SLX4IP: variants seen among roughly 807,000 people sequenced by gnomAD.
The protein encoded by SLX4IP is SLX4 interacting protein.
Under a neutral mutation model 32.9 loss-of-function variants are expected in SLX4IP, and 34 were observed. That is an observed-to-expected ratio of 1.03 (90% CI 0.79 to 1.38). The LOEUF (loss-of-function observed/expected upper bound fraction) is 1.38, where lower values mean the gene tolerates loss of function less well. Ranked by LOEUF, SLX4IP falls within the 40% of genes most tolerant of loss-of-function variation. The pLI, the probability that SLX4IP is intolerant of heterozygous loss-of-function variation, is 0.00. For missense variants in SLX4IP, 444 were observed against 479.0 expected (o/e 0.93, Z 0.68); for synonymous variants, 172 against 171.7 (o/e 1.00, Z -0.01).
intron 6 of SLX4IP, among the ~76,000 whole-genome samples, chr20:10,619,217 C>CTT (rs59741153): frequency 1.3e-4 from 16 of 126,658 alleles, no homozygotes; most frequent in African/African-American, 2.4e-4. Flanking sequence ...CTTTTTTTTT[C>CTT]TTTTTTTTTT....
chr20:10,520,625 T>G (rs682412), intron 2 of SLX4IP, among the ~76,000 whole-genome samples: 79,464 of 151,972 alleles, frequency 0.52, 21,734 homozygotes, highest in South Asian at 0.69. Flanking sequence ...TGTTTTCTTC[T>G]AAGAGTTTTA....
At chr20:10,439,303 G>C (rs1311787770) in intron 1 of SLX4IP, among the ~76,000 whole-genome samples, 4 of 151,896 alleles carry the variant, frequency 2.6e-5, no homozygotes, top group Admixed American at 6.6e-5. Flanking sequence ...CCACCTCCTG[G>C]GTTCAGGTGA....
chr20:10,587,251 T>TA (rs2066656622), intron 4 of SLX4IP, among the ~76,000 whole-genome samples: 1 of 152,052 alleles, frequency 6.6e-6, no homozygotes, highest in African/African-American at 2.4e-5. Context: ...ATTAATAAAT[T>TA]AAAAAGAGCA....
chr20:10,610,199 A>T (rs1231526797), intron 6 of SLX4IP, among the ~76,000 whole-genome samples: 1 of 152,104 alleles, frequency 6.6e-6, no homozygotes, highest in Admixed American at 6.5e-5. Flanking sequence ...CTGCAAAATA[A>T]CTTCCTTGAT....
At chr20:10,486,306 T>A (rs2122389123) in intron 2 of SLX4IP, among the ~76,000 whole-genome samples, 1 of 151,552 alleles carries the variant, frequency 6.6e-6, no homozygotes, top group Middle Eastern at 3.4e-3. Flanking sequence ...TCACATAACA[T>A]GTTGTGAAGG....
chr20:10,569,305 C>A (rs943876696), intron 4 of SLX4IP, among the ~76,000 whole-genome samples: 1 of 151,990 alleles, frequency 6.6e-6, no homozygotes, highest in African/African-American at 2.4e-5. Flanking sequence ...CCTGCCTCAG[C>A]CTCCCAAGTA....
chr20:10,514,717 G>A (rs2065835428), intron 2 of SLX4IP, among the ~76,000 whole-genome samples: 1 of 152,226 alleles, frequency 6.6e-6, no homozygotes, highest in Non-Finnish European at 1.5e-5. Flanking sequence ...AGCTTCATAA[G>A]CCTAGGAGCA....
intron 4 of SLX4IP, among the ~76,000 whole-genome samples, chr20:10,596,758 T>G (rs1003893328): frequency 7.9e-5 from 12 of 152,216 alleles, no homozygotes; most frequent in African/African-American, 2.9e-4. Flanking sequence ...TGTTAAGGAT[T>G]CCACTTCTTC....
Position 10,458,202 on chromosome 20 carries a change from G to T in SLX4IP, c.-3G>T. On this transcript the variant is annotated 5_prime_UTR_variant, in exon 2 of 8. Coordinates refer to ENST00000334534, the MANE Select transcript of SLX4IP (RefSeq NM_001009608.3). ...TCTGTAGTTACTGTGGAATCAATAA[G>T]CCATGGCATCTAAGAAATTTGCTGT... The T allele has an allele frequency of 6.3e-7, 1 of 1,586,344 alleles. No individual in the cohort carries two copies.
intron 6 of SLX4IP, among the ~76,000 whole-genome samples, chr20:10,615,757 C>G (rs990754179): frequency 6.6e-6 from 1 of 152,146 alleles, no homozygotes; most frequent in Admixed American, 6.5e-5. Flanking sequence ...ATCAAATCAC[C>G]AGCAGGTTGG....
Position 10,502,678 on chromosome 20 carries a change from T to A in SLX4IP, c.27+44447T>A, listed in dbSNP as rs2065729084. ...TTCCTTGACCACCCCATTTACTCTG[T>A]TAACTGCCCCCTCCCCAAAATTTTC... On this transcript the variant is annotated intron_variant, in intron 2 of 7. Transcript: ENST00000334534. Among the ~76,000 whole-genome samples, 4 of 152,194 alleles carry A rather than the reference T, an allele frequency of 2.6e-5. No homozygotes were observed. In the South Asian group the frequency reaches 8.3e-4, roughly 32 times the overall value.
At chr20:10,462,016 A>G (rs1376043146) in intron 2 of SLX4IP, among the ~76,000 whole-genome samples, 1 of 152,180 alleles carries the variant, frequency 6.6e-6, no homozygotes, top group East Asian at 1.9e-4. Flanking sequence ...ATATAACCAC[A>G]AAACAAGGTT....
intron 1 of SLX4IP, among the ~76,000 whole-genome samples, chr20:10,455,733 C>T (rs942683604): frequency 1.3e-5 from 2 of 152,094 alleles, no homozygotes; most frequent in Non-Finnish European, 2.9e-5. Flanking sequence ...CTTCAGCCTT[C>T]CCAGTAGTTG....
chr20:10,505,069 AC>A (rs1294059982), intron 2 of SLX4IP, among the ~76,000 whole-genome samples: 1 of 152,176 alleles, frequency 6.6e-6, no homozygotes. Context: ...TGCAACATGA[AC>A]CTGCTCACAT....
chr20:10,473,613 T>C (rs1600906136), intron 2 of SLX4IP, among the ~76,000 whole-genome samples: 1 of 152,016 alleles, frequency 6.6e-6, no homozygotes, highest in East Asian at 1.9e-4. Flanking sequence ...TTTCTTTTTT[T>C]TTTTTTTGAG....
intron 4 of SLX4IP, among the ~76,000 whole-genome samples, chr20:10,563,366 C>T (rs1387531038): frequency 6.6e-6 from 1 of 152,166 alleles, no homozygotes; most frequent in African/African-American, 2.4e-5. Context: ...TCTCTTCATG[C>T]TGTTGATTGT....
In SLX4IP at chr20:10,597,645, A is replaced by G. The variant is rs77277444; in HGVS notation, c.239-1030A>G. Reference sequence around the variant, plus strand: ...CACTATAGTATTTCAGTGTGTGACTATATCCCCATTAAAAAATTTACTGTT... The same window carrying G: ...CACTATAGTATTTCAGTGTGTGACTGTATCCCCATTAAAAAATTTACTGTT... On this transcript the variant is annotated intron_variant, in intron 4 of 7. Transcript: ENST00000334534. Among the ~76,000 whole-genome samples, 17 of 152,346 alleles carry G rather than the reference A, an allele frequency of 1.1e-4. No homozygotes were observed. In the East Asian group the frequency reaches 2.9e-3, roughly 26 times the overall value.
chr20:10,494,780 T>G (rs1274886366), intron 2 of SLX4IP, among the ~76,000 whole-genome samples: 1 of 152,174 alleles, frequency 6.6e-6, no homozygotes, highest in Non-Finnish European at 1.5e-5. Flanking sequence ...TTCTTTAGTT[T>G]ACTCTATTTT....
At position 10,530,190 on chromosome 20, in the gene SLX4IP, C is replaced by T. The variant is rs142008878; in HGVS notation, c.28-26041C>T. Among the ~76,000 whole-genome samples the T allele has an allele frequency of 3.5e-3, 527 of 152,332 alleles. 6 individuals are homozygous for T. Among genetic ancestry groups the T allele is most frequent in the Middle Eastern group, 0.02 (6 of 294 alleles). On this transcript the variant is annotated intron_variant, in intron 2 of 7. Coordinates refer to ENST00000334534, the MANE Select transcript of SLX4IP (RefSeq NM_001009608.3). ...GCCCCAGAGTAAGGCGGTGCAGTCT[C>T]AGACGTACTGGTTGGAGATTTGAAG...
Sources: allele counts gnomAD v4.1 joint callset (sites outside exome capture counted in the v4.1 genomes callset), GRCh38; gene constraint gnomAD v4.1.1; transcripts MANE v1.5; gene names NCBI Gene and HGNC (gene_info 2026-07-23, HGNC 2026-07-21).